Variants in NOTCH2 observed in about 807,000 individuals in gnomAD.
The protein encoded by NOTCH2 is notch receptor 2, also known as neurogenic locus notch homolog protein 2.
A neutral mutation model predicts 235.8 loss-of-function variants in NOTCH2; 29 were observed. The observed-to-expected ratio is 0.12, with a 90% CI of 0.09 to 0.17. The LOEUF (loss-of-function observed/expected upper bound fraction) is 0.17, where lower values mean the gene tolerates loss of function less well. Ranked by LOEUF, NOTCH2 falls within the 10% of genes least tolerant of loss-of-function variation. The pLI is 1.00. For synonymous variants in NOTCH2, 1,086 were observed against 1,141.5 expected (o/e 0.95, Z 0.98); for missense variants, 2,285 against 3,150.2 (o/e 0.73, Z 6.57).
Position 119,915,171 on chromosome 1 carries a change from T to G in NOTCH2, c.*135A>C. ...AATTGCTTCTCTTGCATTATCTGAA[T>G]AAGAACATCTTCTCTTTCCTACCTC... On this transcript the variant is annotated 3_prime_UTR_variant, in exon 34 of 34. Transcript: ENST00000256646. 4 of 907,850 alleles carry G rather than the reference T, an allele frequency of 4.4e-6. No individual in the cohort carries two copies. The highest frequency in any genetic ancestry group is 7.1e-6 in the Non-Finnish European group (4 of 562,804). 56.2% of individuals were successfully genotyped at this position (907,850 alleles called of 1,614,324 possible). A position where few individuals can be genotyped will look rare whatever the true frequency, so the allele number is the denominator to read the frequency against.
At chr1:120,003,230 A>T (rs1344259657) in intron 3 of NOTCH2, among the ~76,000 whole-genome samples, 2 of 152,108 alleles carry the variant, frequency 1.3e-5, no homozygotes, top group East Asian at 3.8e-4. Flanking sequence ...CCTGCCCTCA[A>T]ATATCGAACC....
chr1:119,963,499 A>G, intron 11 of NOTCH2, 75 bp downstream of exon 11: 3 of 1,298,398 alleles, frequency 2.3e-6, no homozygotes, highest in Non-Finnish European at 3.4e-6. Context: ...ATATGCCAAC[A>G]GTCTGAAACA....
At chr1:119,975,411 G>A (rs1454522890) in intron 5 of NOTCH2, among the ~76,000 whole-genome samples, 1 of 152,122 alleles carries the variant, frequency 6.6e-6, no homozygotes, top group Non-Finnish European at 1.5e-5. Flanking sequence ...ACTTTGGAAG[G>A]CTGAGGCAGG....
Position 119,950,399 on chromosome 1 carries a change from A to G in NOTCH2, c.2479+325T>C, listed in dbSNP as rs587737266. 16 of 470,484 alleles carry G rather than the reference A, an allele frequency of 3.4e-5. No individual in the cohort carries two copies. The East Asian group carries it at 4.7e-4, about 14-fold the overall frequency. 29.1% of individuals were successfully genotyped at this position (470,484 alleles called of 1,614,324 possible). ...AGTGGTAGCTGTATTATTGAAACTA[A>G]GACAAATAGCTAATGTCCTGGAAAC... is the stretch of plus-strand genomic sequence containing the variant. On this transcript the variant is annotated intron_variant, in intron 15 of 33. Coordinates refer to ENST00000256646, the MANE Select transcript of NOTCH2 (RefSeq NM_024408.4).
At chr1:119,945,785 T>C (rs1361925705) in intron 17 of NOTCH2, among the ~76,000 whole-genome samples, 1 of 152,044 alleles carries the variant, frequency 6.6e-6, no homozygotes, top group Non-Finnish European at 1.5e-5. Flanking sequence ...TTCAATACTC[T>C]TGAATAAGAA....
chr1:120,048,563 C>G (rs1423631797), intron 1 of NOTCH2, among the ~76,000 whole-genome samples: 3 of 141,794 alleles, frequency 2.1e-5, no homozygotes, highest in Non-Finnish European at 4.5e-5. Context: ...ATCCTCCTGC[C>G]TCAGCCTCCC....
intron 4 of NOTCH2, 145 bp downstream of exon 4, chr1:119,996,852 T>G: frequency 1.1e-6 from 1 of 929,022 alleles, no homozygotes. Flanking sequence ...CCCATAAAAC[T>G]CCTCCCTCAC....
chr1:120,028,367 C>T (rs1420747762), intron 2 of NOTCH2, among the ~76,000 whole-genome samples: 10 of 148,320 alleles, frequency 6.7e-5, no homozygotes, highest in Admixed American at 2.0e-4. Context: ...ATTTCAGTGG[C>T]CTACTCTAAG....
intron 14 of NOTCH2, among the ~76,000 whole-genome samples, chr1:119,951,576 T>C (rs1650476916): frequency 6.6e-6 from 1 of 152,266 alleles, no homozygotes; most frequent in African/African-American, 2.4e-5. Context: ...ATAGGCACCA[T>C]GTCTACCACC....
In NOTCH2 at chr1:119,957,217, C is replaced by G. The variant is rs1235479529; in HGVS notation, c.2027-1985G>C. ...GGAACTCACAGTCCTCACTATGCAACTCACTGGCAGAGGCCATGAGTATAT... is the reference window on the plus strand; with the variant it reads ...GGAACTCACAGTCCTCACTATGCAAGTCACTGGCAGAGGCCATGAGTATAT... On this transcript the variant is annotated intron_variant, in intron 12 of 33. Transcript: ENST00000256646. 1.1e-4 allele frequency among the ~76,000 whole-genome samples: 16 copies of G among 152,234 alleles called. 1 individual carries two copies. Among genetic ancestry groups the G allele is most frequent in the Admixed American group, 1.0e-3 (16 of 15,284 alleles).
At chr1:119,925,060 G>A (rs972106193) in intron 25 of NOTCH2, among the ~76,000 whole-genome samples, 1 of 152,184 alleles carries the variant, frequency 6.6e-6, no homozygotes, top group Non-Finnish European at 1.5e-5. Flanking sequence ...TCCCCCAGGA[G>A]GTCACGAAGG....
intron 2 of NOTCH2, among the ~76,000 whole-genome samples, chr1:120,011,973 G>A (rs1486079535): frequency 4.2e-5 from 6 of 142,634 alleles, no homozygotes; most frequent in South Asian, 2.3e-4. Flanking sequence ...CCAAGATCGC[G>A]CCACTGCACT....
At position 119,923,680 on chromosome 1, in the gene NOTCH2, T is replaced by C. The variant is rs765176882; in HGVS notation, c.4816A>G (p.Thr1606Ala). 2 of 1,614,200 alleles carry C rather than the reference T, an allele frequency of 1.2e-6. No homozygotes were observed. The highest frequency in any genetic ancestry group is 1.7e-5 in the Admixed American group (1 of 60,026). ...KSAAMKKQRMTRRSLPGEQEQ... is the reference protein window; with the variant it reads ...KSAAMKKQRMARRSLPGEQEQ... ...TGTTCACCAGGAAGGGATCTGCGTG[T>C]CATCCTCTGTTTCTTCATAGCAGCT... The change falls in exon 26 of 34, where the codon ACA (threonine) becomes GCA (alanine). Residue 1606 changes from threonine (T) to alanine (A), a missense_variant. Transcript: ENST00000256646.
chr1:119,957,878 A>G (rs1650767291), intron 12 of NOTCH2, among the ~76,000 whole-genome samples: 1 of 148,636 alleles, frequency 6.7e-6, no homozygotes, highest in Non-Finnish European at 1.5e-5. Context: ...ACACACACAC[A>G]CACACAACAG....
intron 11 of NOTCH2, among the ~76,000 whole-genome samples, chr1:119,960,494 C>T (rs1168190732): frequency 2.0e-5 from 3 of 149,450 alleles, no homozygotes; most frequent in Non-Finnish European, 3.0e-5. Flanking sequence ...TATCTCTTTA[C>T]AAATAATGGT....
intron 2 of NOTCH2, among the ~76,000 whole-genome samples, chr1:120,029,476 G>A (rs2725953): frequency 9.5e-4 from 138 of 145,700 alleles, no homozygotes; most frequent in East Asian, 4.5e-3. Context: ...TCAGCCTCCC[G>A]AGTAGCTGGG....
At chr1:119,932,607 A>ATATC (rs61476083) in intron 22 of NOTCH2, among the ~76,000 whole-genome samples, 40,565 of 148,294 alleles carry the variant, frequency 0.27, 5,752 homozygotes, top group East Asian at 0.37. Context: ...AAACAAACAA[A>ATATC]TATCTATCTA....
chr1:119,925,531 A>G lies in NOTCH2; in HGVS notation c.4285T>C (p.Tyr1429His), dbSNP rs1327901727. 1 of 1,614,078 alleles carries G rather than the reference A, an allele frequency of 6.2e-7. No individual in the cohort carries two copies. The highest frequency in any genetic ancestry group is 1.1e-5 in the South Asian group (1 of 91,070). ...CCATCCCGAGCTTTGTCGGCACAAT[A>G]CTGGCTCAGACAGGTGGCAGGAGGG... is the stretch of plus-strand genomic sequence containing the variant. ...STPPATCLSQ[Y>H]CADKARDGVC... Residue 1429 changes from tyrosine (Y) to histidine (H), a missense_variant, in exon 25 of 34, where the codon TAT (tyrosine) becomes CAT (histidine). Tyr to His is a moderately conservative substitution (Grantham distance 83). Around this residue, in one of 6 missense-constraint regions of NOTCH2, gnomAD observed 1,173 missense variants for 1,515.3 expected, o/e 0.77. Coordinates refer to ENST00000256646, the MANE Select transcript of NOTCH2 (RefSeq NM_024408.4).
intron 1 of NOTCH2, among the ~76,000 whole-genome samples, chr1:120,048,387 A>C (rs12128274): frequency 1.5e-5 from 2 of 137,078 alleles, no homozygotes; most frequent in Non-Finnish European, 3.0e-5. Context: ...TGTAAAAAAC[A>C]ATGGACTAAA....
Sources: gnomAD v4.1 joint callset for allele counts (sites outside exome capture counted in the v4.1 genomes callset) on GRCh38, gnomAD v4.1.1 for gene constraint, gnomAD v4.1.1 regional missense constraint, MANE v1.5 for transcripts, NCBI Gene and HGNC (gene_info 2026-07-23, HGNC 2026-07-21) for gene names.